Variants in AKAP6 observed in about 807,000 individuals in gnomAD.
AKAP6 encodes the protein A-kinase anchoring protein 6, also known as A-kinase anchor protein 6.
A neutral mutation model predicts 188.5 loss-of-function variants in AKAP6; 58 were observed. That is an observed-to-expected ratio of 0.31 (90% CI 0.25 to 0.38). The LOEUF is 0.38. Among genes scored for constraint, AKAP6 ranks in the 10% least tolerant of loss-of-function variants. The probability of loss-of-function intolerance (pLI) is 1.00; values close to 1 mark genes in which losing one functional copy is unlikely to be tolerated. For missense variants in AKAP6, 2,710 were observed against 2,740.0 expected (o/e 0.99, Z 0.24); for synonymous variants, 989 against 998.6 (o/e 0.99, Z 0.18).
intron 2 of AKAP6, among the ~76,000 whole-genome samples, chr14:32,445,695 A>G (rs1890731802): frequency 6.6e-6 from 1 of 152,026 alleles, no homozygotes; most frequent in South Asian, 2.1e-4. Context: ...CCTTATTTTC[A>G]TATGGTGTCT....
At chr14:32,755,138 T>C (rs1201414358) in intron 11 of AKAP6, among the ~76,000 whole-genome samples, 1 of 152,212 alleles carries the variant, frequency 6.6e-6, no homozygotes, top group East Asian at 1.9e-4. Flanking sequence ...TATGCATGCA[T>C]TGGTTCACTT....
intron 1 of AKAP6, among the ~76,000 whole-genome samples, chr14:32,372,770 CTGTGTGTGTGTG>C (rs3031400): frequency 6.6e-4 from 98 of 147,594 alleles, no homozygotes; most frequent in African/African-American, 1.8e-3. Flanking sequence ...TTTTGTTGCT[CTGTGTGTGTGTG>C]TGTGTGTGTG....
At chr14:32,785,597 ATACGTGTGAAGCTTAGTTGGGGAAGTAC>A (rs2033375786) in intron 12 of AKAP6, among the ~76,000 whole-genome samples, 1 of 152,188 alleles carries the variant, frequency 6.6e-6, no homozygotes, top group Non-Finnish European at 1.5e-5. Context: ...GACAGTTAAT[ATACGTGTGAAGCTTAGTTGGGGAAGTAC>A]TTGCAAAGTG....
At chr14:32,443,416 A>AAC (rs1375733802) in intron 2 of AKAP6, among the ~76,000 whole-genome samples, 11 of 151,630 alleles carry the variant, frequency 7.3e-5, no homozygotes, top group African/African-American at 2.7e-4. Flanking sequence ...ACAAAAAAAA[A>AAC]ACAAAAAAAC....
Position 32,546,245 on chromosome 14 carries a change from A to T in AKAP6, c.1592A>T (p.Asn531Ile). The change falls in exon 4 of 14, where the codon AAT becomes ATT. Residue 531 changes from asparagine (N) to isoleucine (I), a missense_variant. Physicochemically the swap from Asn to Ile is moderately radical, Grantham distance 149. Transcript: ENST00000280979. ...AATACAAAGAGCTCAGCAGTGCCAA[A>T]TGGAGAGCTTTCTTATACTTCCAAG... ...AKNTKSSAVP[N>I]GELSYTSKAI... 1 of 1,614,152 alleles carries T rather than the reference A, an allele frequency of 6.2e-7. No homozygotes were observed. Among genetic ancestry groups the T allele is most frequent in the Non-Finnish European group, 8.5e-7 (1 of 1,180,014 alleles).
rs76665225 is a variant in AKAP6 at position 32,566,016 on chromosome 14, G to A, written c.2347-11104G>A. Among the ~76,000 whole-genome samples the A allele has an allele frequency of 5.8e-3, 883 of 152,302 alleles. 5 individuals carry two copies. Among genetic ancestry groups the A allele is most frequent in the Non-Finnish European group, 9.8e-3 (667 of 68,030 alleles). ...TCAATGGCTCCTGAGCACTTGGGAT[G>A]ATCTACAGCAAGAGGTTCTCACAGT... On this transcript the variant is annotated intron_variant, in intron 4 of 13. Transcript: ENST00000280979.
intron 2 of AKAP6, among the ~76,000 whole-genome samples, chr14:32,490,992 G>T (rs921579262): frequency 1.3e-5 from 2 of 152,124 alleles, no homozygotes; most frequent in Non-Finnish European, 2.9e-5. Context: ...GAGGAACAAA[G>T]GTAGCACAAG....
At chr14:32,559,611 T>G (rs1385508278) in intron 4 of AKAP6, among the ~76,000 whole-genome samples, 1 of 152,002 alleles carries the variant, frequency 6.6e-6, no homozygotes, top group East Asian at 1.9e-4. Context: ...CTAGCAGTAA[T>G]TTTCAACTGT....
At chr14:32,772,525 G>C (rs1218409156) in intron 11 of AKAP6, among the ~76,000 whole-genome samples, 1 of 152,108 alleles carries the variant, frequency 6.6e-6, no homozygotes, top group Non-Finnish European at 1.5e-5. Flanking sequence ...TACTGAGTCA[G>C]GGTCATTTAA....
At chr14:32,712,650 C>A (rs72669818) in intron 9 of AKAP6, among the ~76,000 whole-genome samples, 4 of 152,222 alleles carry the variant, frequency 2.6e-5, no homozygotes, top group Non-Finnish European at 5.9e-5. Context: ...AAACTACTAT[C>A]TTTGCTTATT....
chr14:32,683,859 T>C (rs1171815075), intron 8 of AKAP6, among the ~76,000 whole-genome samples: 1 of 152,128 alleles, frequency 6.6e-6, no homozygotes, highest in African/African-American at 2.4e-5. Flanking sequence ...CTTCCAGTCA[T>C]TCAAATAAGA....
In AKAP6 at chr14:32,546,801, C is replaced by T; in HGVS notation, c.2148C>T (p.Pro716=). The stretch of plus-strand genomic sequence containing the variant: ...TAGGGGAGAGCATTGAATCTGGGCC[C>T]CTGAGTGACATTCTTTCTGATGAGG... ...SSLGESIESG[P]LSDILSDEES... The change falls in exon 4 of 14, where the codon CCC becomes CCT. Residue 716 remains proline, a synonymous_variant. Coordinates refer to ENST00000280979, the MANE Select transcript of AKAP6 (RefSeq NM_004274.5). The T allele has an allele frequency of 6.2e-7, 1 of 1,614,002 alleles. No homozygotes were observed. Among genetic ancestry groups the T allele is most frequent in the South Asian group, 1.1e-5 (1 of 91,064 alleles).
chr14:32,755,853 A>G (rs1422888717), intron 11 of AKAP6, among the ~76,000 whole-genome samples: 3 of 152,322 alleles, frequency 2.0e-5, no homozygotes, highest in Non-Finnish European at 4.4e-5. Context: ...TAGGGCCACT[A>G]ACTCATGGTT....
chr14:32,750,992 T>C (rs929520303), intron 11 of AKAP6, among the ~76,000 whole-genome samples: 8 of 151,706 alleles, frequency 5.3e-5, no homozygotes, highest in African/African-American at 1.9e-4. Flanking sequence ...CCTTGGCCTC[T>C]CAAAGTGCTG....
chr14:32,732,601 G>A lies in AKAP6; in HGVS notation c.3147+1G>A. The A allele has an allele frequency of 6.2e-7, 1 of 1,613,198 alleles. No homozygotes were observed. Among genetic ancestry groups the A allele is most frequent in the Non-Finnish European group, 8.5e-7 (1 of 1,179,604 alleles). On this transcript the variant is annotated splice_donor_variant, in intron 10 of 13. Coordinates refer to ENST00000280979, the MANE Select transcript of AKAP6 (RefSeq NM_004274.5). LOFTEE classifies it high-confidence loss of function. ...TAATGAAAAATGGGAACTGCTTGGG[G>A]TATTTGCATTTTTATTACTGTTTGT...
chr14:32,479,288 A>G (rs1879222023), intron 2 of AKAP6, among the ~76,000 whole-genome samples: 1 of 152,206 alleles, frequency 6.6e-6, no homozygotes, highest in Non-Finnish European at 1.5e-5. Context: ...AGTGTTGTAT[A>G]CAATTGCTTT....
At chr14:32,768,775 A>G (rs2139974499) in intron 11 of AKAP6, among the ~76,000 whole-genome samples, 1 of 152,278 alleles carries the variant, frequency 6.6e-6, no homozygotes, top group Non-Finnish European at 1.5e-5. Flanking sequence ...ATGTATTGGA[A>G]TCACCTATAG....
intron 4 of AKAP6, among the ~76,000 whole-genome samples, chr14:32,556,339 TTC>T: frequency 6.6e-6 from 1 of 152,242 alleles, no homozygotes; most frequent in Non-Finnish European, 1.5e-5. Flanking sequence ...TCGTTATATA[TTC>T]TTTTTTTGTT....
intron 11 of AKAP6, among the ~76,000 whole-genome samples, chr14:32,771,115 C>A (rs933471278): frequency 1.1e-4 from 17 of 151,908 alleles, no homozygotes; most frequent in Non-Finnish European, 1.9e-4. Flanking sequence ...TTTTTGATTA[C>A]GAATGCATAT....
Sources: allele counts gnomAD v4.1 joint callset (sites outside exome capture counted in the v4.1 genomes callset), GRCh38; gene constraint gnomAD v4.1.1; transcripts MANE v1.5; gene names NCBI Gene and HGNC (gene_info 2026-07-23, HGNC 2026-07-21).